Variants in PARD3B observed in about 807,000 individuals in gnomAD.
The protein encoded by PARD3B is par-3 family cell polarity regulator beta, also known as partitioning defective 3 homolog B.
A neutral mutation model predicts 130.2 loss-of-function variants in PARD3B; 103 were observed. The observed-to-expected ratio is 0.79, with a 90% CI of 0.67 to 0.93. PARD3B has a LOEUF of 0.93. PARD3B is among the 40% of genes least tolerant of loss of function. The probability of loss-of-function intolerance (pLI) is 0.00; values close to 1 mark genes in which losing one functional copy is unlikely to be tolerated. For synonymous variants in PARD3B, 583 were observed against 553.2 expected (o/e 1.05, Z -0.76); for missense variants, 1,609 against 1,499.2 (o/e 1.07, Z -1.21).
chr2:205,308,621 C>CAAAAAA lies in PARD3B; in HGVS notation c.2630+6923_2630+6924insAAAAAA, dbSNP rs1252730210. Among the ~76,000 whole-genome samples, 687 of 92,834 alleles carry CAAAAAA rather than the reference C, an allele frequency of 7.4e-3. 19 individuals carry two copies. The highest frequency in any genetic ancestry group is 0.016 in the South Asian group (36 of 2,242). The allele number at this position is 92,834 out of a possible 152,430, so 60.9% of individuals were successfully genotyped here. A position where few individuals can be genotyped will look rare whatever the true frequency, so the allele number is the denominator to read the frequency against. On this transcript the variant is annotated intron_variant, in intron 18 of 22. Coordinates refer to ENST00000406610, the MANE Select transcript of PARD3B (RefSeq NM_001302769.2). ...CTCCGTCTCAAAAAAAAAAAAAAACCAAACAACAAAACAAAACCCCAAGAC... is the reference window on the plus strand; with the variant it reads ...CTCCGTCTCAAAAAAAAAAAAAAACCAAAAAAAAACAACAAAACAAAACCCCAAGAC...
chr2:205,178,826 A>T (rs945738236), intron 13 of PARD3B, among the ~76,000 whole-genome samples: 4 of 152,352 alleles, frequency 2.6e-5, no homozygotes, highest in Admixed American at 6.5e-5. Context: ...TGGTGGTCCC[A>T]TAAGATTTTA....
intron 3 of PARD3B, among the ~76,000 whole-genome samples, chr2:204,982,887 T>C (rs1692796049): frequency 6.6e-6 from 1 of 152,238 alleles, no homozygotes. Flanking sequence ...CTTTTTTGTC[T>C]GATTTTACTT....
intron 2 of PARD3B, among the ~76,000 whole-genome samples, chr2:204,852,767 T>G (rs1195934084): frequency 2.0e-5 from 3 of 152,182 alleles, no homozygotes; most frequent in Admixed American, 2.0e-4. Flanking sequence ...TATTTAAGTT[T>G]TAAAGGCTGA....
At chr2:205,140,704 T>C (rs1575928052) in intron 10 of PARD3B, among the ~76,000 whole-genome samples, 1 of 152,158 alleles carries the variant, frequency 6.6e-6, no homozygotes, top group African/African-American at 2.4e-5. Context: ...TGTACTGTTA[T>C]GCTGAATAAT....
chr2:204,624,705 G>T (rs1049053418), intron 1 of PARD3B, among the ~76,000 whole-genome samples: 94 of 152,220 alleles, frequency 6.2e-4, no homozygotes, highest in Admixed American at 2.0e-3. Context: ...GATAGGTTTT[G>T]TGTGGACAAA....
intron 20 of PARD3B, among the ~76,000 whole-genome samples, chr2:205,456,229 C>A (rs1217807274): frequency 6.6e-6 from 1 of 152,048 alleles, no homozygotes; most frequent in Non-Finnish European, 1.5e-5. Flanking sequence ...CTTAATCATG[C>A]TATGGATGTA....
At chr2:205,296,506 G>T (rs371196495) in intron 16 of PARD3B, among the ~76,000 whole-genome samples, 6 of 152,070 alleles carry the variant, frequency 3.9e-5, no homozygotes, top group Non-Finnish European at 7.4e-5. Context: ...CTGGGGCAGC[G>T]GTTTCTCAGC....
chr2:204,772,798 T>G lies in PARD3B; in HGVS notation c.222+86516T>G, dbSNP rs1180799656. Among the ~76,000 whole-genome samples, 7 of 152,308 alleles carry G rather than the reference T, an allele frequency of 4.6e-5. No individual in the cohort carries two copies. The East Asian group carries it at 1.3e-3, about 29-fold the overall frequency. On this transcript the variant is annotated intron_variant, in intron 2 of 22. Transcript: ENST00000406610. ...GGAAAATGATTGTATTTTGTATGGTTTATATAAAACAACACGTGTTACAGC... is the reference window on the plus strand; with the variant it reads ...GGAAAATGATTGTATTTTGTATGGTGTATATAAAACAACACGTGTTACAGC...
intron 2 of PARD3B, among the ~76,000 whole-genome samples, chr2:204,949,278 C>T (rs1689575516): frequency 6.6e-6 from 1 of 151,894 alleles, no homozygotes; most frequent in Non-Finnish European, 1.5e-5. Context: ...TCAGTTAAAC[C>T]AGTATCTTTG....
At chr2:205,169,101 A>C (rs1177274112) in intron 11 of PARD3B, among the ~76,000 whole-genome samples, 1 of 152,198 alleles carries the variant, frequency 6.6e-6, no homozygotes, top group East Asian at 1.9e-4. Flanking sequence ...TTCAGTGATT[A>C]TATTCTAAAT....
chr2:205,334,622 G>A lies in PARD3B; in HGVS notation c.2630+32921G>A, dbSNP rs553299697. Among the ~76,000 whole-genome samples the A allele has an allele frequency of 2.6e-5, 4 of 152,294 alleles. No individual in the cohort carries two copies. In the South Asian group the frequency reaches 6.2e-4, roughly 24 times the overall value. On this transcript the variant is annotated intron_variant, in intron 18 of 22. Coordinates refer to ENST00000406610, the MANE Select transcript of PARD3B (RefSeq NM_001302769.2). ...GTTTCTTAGTTAGAATATCACCTCT[G>A]CTTTTTGAAGTCTTACAATGTTTCT...
intron 16 of PARD3B, among the ~76,000 whole-genome samples, chr2:205,294,369 T>C (rs1170163445): frequency 1.3e-5 from 2 of 152,174 alleles, no homozygotes; most frequent in Admixed American, 1.3e-4. Context: ...TGTCAGAATA[T>C]TTTTGGGGTA....
chr2:205,225,070 G>A (rs1026377236), intron 15 of PARD3B, among the ~76,000 whole-genome samples: 2 of 152,120 alleles, frequency 1.3e-5, no homozygotes, highest in African/African-American at 4.8e-5. Context: ...ATAAACATGG[G>A]AGTGAAGATA....
At chr2:204,870,372 C>T (rs1011561607) in intron 2 of PARD3B, among the ~76,000 whole-genome samples, 5 of 152,124 alleles carry the variant, frequency 3.3e-5, no homozygotes, top group African/African-American at 1.2e-4. Context: ...TGCTAAGAGT[C>T]CCTATCAAAT....
chr2:205,297,610 C>A (rs1264249412), intron 16 of PARD3B, among the ~76,000 whole-genome samples: 1 of 152,152 alleles, frequency 6.6e-6, no homozygotes, highest in Non-Finnish European at 1.5e-5. Context: ...TCAGAGCCCC[C>A]AGTTCAGTCA....
At chr2:205,392,654 AACTC>A (rs2045898666) in intron 18 of PARD3B, among the ~76,000 whole-genome samples, 1 of 152,204 alleles carries the variant, frequency 6.6e-6, no homozygotes, top group Non-Finnish European at 1.5e-5. Flanking sequence ...TTAAAGCATC[AACTC>A]ACTCAGTTTC....
intron 2 of PARD3B, among the ~76,000 whole-genome samples, chr2:204,850,411 G>A (rs1420359717): frequency 6.6e-6 from 1 of 151,876 alleles, no homozygotes; most frequent in Non-Finnish European, 1.5e-5. Flanking sequence ...TCTATTTATT[G>A]TGATTGGGAC....
intron 16 of PARD3B, among the ~76,000 whole-genome samples, chr2:205,284,290 G>C (rs1386279269): frequency 1.3e-5 from 2 of 152,054 alleles, no homozygotes; most frequent in Non-Finnish European, 2.9e-5. Flanking sequence ...CTCTGTGACG[G>C]GTTGTTTTTG....
At chr2:205,052,451 A>ATGTATATATATATATATATATAT (rs1491236980) in intron 4 of PARD3B, among the ~76,000 whole-genome samples, 1 of 14,738 alleles carries the variant, frequency 6.8e-5, no homozygotes, top group Non-Finnish European at 1.2e-4. Context: ...ATATATATAT[A>ATGTATATATATATATATATATAT]AAATTAAAAA....
Sources: allele counts gnomAD v4.1 joint callset (sites outside exome capture counted in the v4.1 genomes callset), GRCh38; gene constraint gnomAD v4.1.1; transcripts MANE v1.5; gene names NCBI Gene and HGNC (gene_info 2026-07-23, HGNC 2026-07-21).